SGCD: variants seen among roughly 807,000 people sequenced by gnomAD.
The protein encoded by SGCD is sarcoglycan delta, also known as delta-sarcoglycan.
A neutral mutation model predicts 36.6 loss-of-function variants in SGCD; 18 were observed. That is an observed-to-expected ratio of 0.49 (90% CI 0.34 to 0.73). The LOEUF is 0.73. SGCD is among the 30% of genes least tolerant of loss of function. SGCD has a pLI of 0.01. For missense variants in SGCD, 387 were observed against 346.7 expected (o/e 1.12, Z -0.92); for synonymous variants, 133 against 130.6 (o/e 1.02, Z -0.12).
intron 4 of SGCD, among the ~76,000 whole-genome samples, chr5:156,543,070 G>T (rs1758412743): frequency 6.6e-6 from 1 of 152,200 alleles, no homozygotes; most frequent in African/African-American, 2.4e-5. Context: ...ACTTCTCAAG[G>T]CAGAAGCTGC....
chr5:156,143,232 G>A (rs564830533), intron 3 of SGCD, among the ~76,000 whole-genome samples: 1 of 152,360 alleles, frequency 6.6e-6, no homozygotes, highest in East Asian at 1.9e-4. Flanking sequence ...GCCTGTGAGT[G>A]CACTGAATGC....
At chr5:156,318,924 C>CCAGCATAG (rs757917319) in intron 3 of SGCD, among the ~76,000 whole-genome samples, 33 of 152,284 alleles carry the variant, frequency 2.2e-4, no homozygotes, top group South Asian at 4.2e-4. Context: ...ATGGCACATT[C>CCAGCATAG]TTTCGTTAGA....
chr5:156,340,590 C>G (rs902075411), intron 2 of SGCD, among the ~76,000 whole-genome samples: 1 of 152,128 alleles, frequency 6.6e-6, no homozygotes, highest in Non-Finnish European at 1.5e-5. Context: ...AGAGCTAACA[C>G]GAGGGGAAGT....
At chr5:155,804,894 G>A in the SGCD span, among the ~76,000 whole-genome samples, 1 of 152,196 alleles carries the variant, frequency 6.6e-6, no homozygotes, top group Non-Finnish European at 1.5e-5. Flanking sequence ...GAACATAGGT[G>A]TTGCCTGTAA....
At chr5:156,664,993 C>T (rs972896155) in intron 7 of SGCD, among the ~76,000 whole-genome samples, 17 of 150,172 alleles carry the variant, frequency 1.1e-4, no homozygotes, top group Non-Finnish European at 2.2e-4. Context: ...TAATTCACTA[C>T]CCTGTCTACT....
At chr5:156,664,104 CTTT>C (rs1178050308) in intron 7 of SGCD, among the ~76,000 whole-genome samples, 1 of 87,192 alleles carries the variant, frequency 1.1e-5, no homozygotes, top group East Asian at 3.2e-4. Context: ...CTGGGCAATT[CTTT>C]TTTAAGTGAC....
At chr5:156,448,327 C>A (rs566859754) in intron 3 of SGCD, among the ~76,000 whole-genome samples, 2 of 152,258 alleles carry the variant, frequency 1.3e-5, no homozygotes, top group South Asian at 4.1e-4. Context: ...TAACCACCTG[C>A]CTAAGTCTGC....
chr5:155,939,090 A>G lies in SGCD; in HGVS notation c.-282+68666A>G, dbSNP rs929864638. Among the ~76,000 whole-genome samples the G allele has an allele frequency of 3.9e-5, 6 of 152,194 alleles. No homozygotes were observed. In the South Asian group the frequency reaches 1.2e-3, roughly 32 times the overall value. On this transcript the variant is annotated intron_variant, in intron 1 of 9. Coordinates refer to the SGCD transcript ENST00000517913. ...TTTGGTGACATGTTGGTCAAAAGAT[A>G]AAGAATTCCAGTTAGGAGGAAAATG...
At chr5:156,532,635 A>T (rs1190234309) in intron 4 of SGCD, among the ~76,000 whole-genome samples, 1 of 151,772 alleles carries the variant, frequency 6.6e-6, no homozygotes, top group Non-Finnish European at 1.5e-5. Context: ...TAATTTTTTT[A>T]TTTTTTTAGT....
intron 1 of SGCD, among the ~76,000 whole-genome samples, chr5:156,047,104 G>T (rs77691983): frequency 0.11 from 17,337 of 152,086 alleles, 2,789 homozygotes; most frequent in African/African-American, 0.36. Context: ...CCCATAACAA[G>T]GCCCTAACTT....
In SGCD at chr5:156,383,395, T is replaced by C. The variant is rs140979409; in HGVS notation, c.192+38718T>C. Reference sequence around the variant, plus strand: ...GCATGTGCATGTTAGTCCCAGCTACTCCAGAGGCTGAGACAGGAGAATCAC... The same window carrying C: ...GCATGTGCATGTTAGTCCCAGCTACCCCAGAGGCTGAGACAGGAGAATCAC... On this transcript the variant is annotated intron_variant, in intron 3 of 8. Coordinates refer to ENST00000337851, the MANE Select transcript of SGCD (RefSeq NM_000337.6). Among the ~76,000 whole-genome samples, 191 of 152,050 alleles carry C rather than the reference T, an allele frequency of 1.3e-3. 4 individuals carry two copies. The East Asian group carries it at 0.034, about 27-fold the overall frequency.
chr5:156,537,637 G>A (rs1043850375), intron 4 of SGCD, among the ~76,000 whole-genome samples: 2 of 151,874 alleles, frequency 1.3e-5, no homozygotes, highest in Admixed American at 1.3e-4. Context: ...TTACGTTGGA[G>A]TTCTATATCA....
At chr5:156,522,461 T>G (rs1757452112) in intron 4 of SGCD, among the ~76,000 whole-genome samples, 1 of 152,072 alleles carries the variant, frequency 6.6e-6, no homozygotes, top group Non-Finnish European at 1.5e-5. Context: ...GAAGCCATTA[T>G]CCTCAGCAAA....
chr5:156,283,177 G>A lies in SGCD; in HGVS notation c.-43-46357G>A, dbSNP rs370537874. On this transcript the variant is annotated intron_variant, in intron 3 of 9. Transcript: ENST00000517913. ...ACAGATGGTGGTTGTAGAGGAGGAT[G>A]GGCAGGGTTTCTCCATGACTGTGTA... Among the ~76,000 whole-genome samples, 30 of 152,316 alleles carry A rather than the reference G, an allele frequency of 2.0e-4. No homozygotes were observed. The East Asian group carries it at 4.1e-3, about 21-fold the overall frequency.
chr5:156,552,179 G>A (rs954988681), intron 4 of SGCD, among the ~76,000 whole-genome samples: 2 of 152,146 alleles, frequency 1.3e-5, no homozygotes, highest in African/African-American at 4.8e-5. Context: ...CACAGCACAT[G>A]TTTCTCTCTA....
chr5:156,700,393 G>A (rs1754481456), intron 7 of SGCD, among the ~76,000 whole-genome samples: 1 of 152,020 alleles, frequency 6.6e-6, no homozygotes, highest in Admixed American at 6.6e-5. Flanking sequence ...GAAAATATAG[G>A]TGTGGTCAAA....
At chr5:156,021,021 T>G (rs747297505) in intron 1 of SGCD, among the ~76,000 whole-genome samples, 2 of 152,224 alleles carry the variant, frequency 1.3e-5, no homozygotes, top group South Asian at 4.1e-4. Flanking sequence ...ATCCACAAAT[T>G]GTCTTTGCAA....
At chr5:155,844,030 A>G in the SGCD span, among the ~76,000 whole-genome samples, 1 of 152,170 alleles carries the variant, frequency 6.6e-6, no homozygotes, top group Non-Finnish European at 1.5e-5. Flanking sequence ...TACTCTTATA[A>G]TGGTATGAGT....
chr5:156,087,694 T>C (rs1761136791), intron 1 of SGCD, among the ~76,000 whole-genome samples: 1 of 151,372 alleles, frequency 6.6e-6, no homozygotes, highest in African/African-American at 2.4e-5. Context: ...AACAGCTTTA[T>C]GCATGTGGTA....
Sources: allele counts gnomAD v4.1 joint callset (sites outside exome capture counted in the v4.1 genomes callset), GRCh38; gene constraint gnomAD v4.1.1; transcripts MANE v1.5; gene names NCBI Gene and HGNC (gene_info 2026-07-23, HGNC 2026-07-21).